SEL1L2: variants seen among roughly 807,000 people sequenced by gnomAD.
SEL1L2 encodes the protein protein sel-1 homolog 2.
Under a neutral mutation model 98.8 loss-of-function variants are expected in SEL1L2, and 89 were observed. That is an observed-to-expected ratio of 0.90 (90% confidence interval 0.76 to 1.07). The LOEUF (loss-of-function observed/expected upper bound fraction) is 1.07. Among genes scored for constraint, SEL1L2 ranks in the 50% least tolerant of loss-of-function variants. The probability of loss-of-function intolerance (pLI) is 0.00; values close to 1 mark genes in which losing one functional copy is unlikely to be tolerated. For synonymous variants in SEL1L2, 262 were observed against 278.5 expected, an observed-to-expected ratio of 0.94 and a Z score of 0.59; for missense variants, 788 against 812.0, an observed-to-expected ratio of 0.97 and a Z score of 0.36.
chr20:13,872,858 A>G lies in SEL1L2; in HGVS notation c.1105-2655T>C, dbSNP rs148088936. 3.2e-3 allele frequency among the ~76,000 whole-genome samples: 481 copies of G among 152,292 alleles called. 3 individuals carry two copies. The highest frequency in any genetic ancestry group is 0.011 in the African/African-American group (454 of 41,562). On this transcript the variant is annotated intron_variant, in intron 12 of 19. Coordinates refer to ENST00000284951, the MANE Select transcript of SEL1L2 (RefSeq NM_025229.2). The stretch of plus-strand genomic sequence containing the variant: ...ATAAAATATGCCAGGTAGTGGAGAC[A>G]GTGGTGCAGATGGAGACACGTGGAG...
At chr20:13,933,292 A>G (rs1437890612) in intron 2 of SEL1L2, among the ~76,000 whole-genome samples, 2 of 152,210 alleles carry the variant, frequency 1.3e-5, no homozygotes, top group African/African-American at 4.8e-5. Flanking sequence ...TAACCCATTT[A>G]AAGTGTACAA....
At chr20:13,855,677 G>C (rs1989040172) in intron 18 of SEL1L2, among the ~76,000 whole-genome samples, 1 of 152,140 alleles carries the variant, frequency 6.6e-6, no homozygotes, top group African/African-American at 2.4e-5. Flanking sequence ...CTGGTTTTGG[G>C]GTCCCCTAAA....
At position 13,865,302 on chromosome 20, in the gene SEL1L2, T is replaced by A. The variant is rs556980703; in HGVS notation, c.1570+47A>T. ...AATGCCTCTGTAGTAAAGTCATACATGCATATGTATGATTGGGGGATTGCA... is the reference window on the plus strand; with the variant it reads ...AATGCCTCTGTAGTAAAGTCATACAAGCATATGTATGATTGGGGGATTGCA... On this transcript the variant is annotated intron_variant, in intron 16 of 19. Coordinates refer to ENST00000284951, the MANE Select transcript of SEL1L2 (RefSeq NM_025229.2). 1.6e-5 allele frequency: 25 copies of A among 1,608,742 alleles called. No individual in the cohort carries two copies. The Admixed American group carries it at 4.0e-4, about 26-fold the overall frequency.
Position 13,849,353 on chromosome 20 carries a change from T to G in SEL1L2, c.*132A>C. 8.5e-7 allele frequency: 1 copy of G among 1,179,012 alleles called. No homozygotes were observed. The highest frequency in any genetic ancestry group is 1.2e-6 in the Non-Finnish European group (1 of 827,098). 73.0% of individuals were successfully genotyped at this position (1,179,012 alleles called of 1,614,324 possible). A position where few individuals can be genotyped will look rare whatever the true frequency, so the allele number is the denominator to read the frequency against. ...TTTCTCTAGGATGGTCCCCAAGTCT[T>G]GTCTGTTTCCCATCACAGCCCTGAG... On this transcript the variant is annotated 3_prime_UTR_variant, in exon 20 of 20. Coordinates refer to ENST00000284951, the MANE Select transcript of SEL1L2 (RefSeq NM_025229.2).
intron 5 of SEL1L2, among the ~76,000 whole-genome samples, chr20:13,910,976 T>C (rs918680433): frequency 6.6e-6 from 1 of 152,254 alleles, no homozygotes; most frequent in Admixed American, 6.5e-5. Context: ...TGGAACTTCT[T>C]TACTGGGAGT....
chr20:13,872,586 G>A (rs570306726), intron 12 of SEL1L2, among the ~76,000 whole-genome samples: 2 of 152,234 alleles, frequency 1.3e-5, no homozygotes, highest in South Asian at 4.2e-4. Context: ...TATTAGCAAT[G>A]TGAGAACGGA....
At chr20:13,985,879 G>T (rs751842492) in intron 1 of SEL1L2, among the ~76,000 whole-genome samples, 1 of 152,122 alleles carries the variant, frequency 6.6e-6, no homozygotes, top group Admixed American at 6.5e-5. Context: ...GCTTATTATG[G>T]ACATTTCATA....
chr20:13,964,520 TC>T (rs1162169096), intron 1 of SEL1L2, among the ~76,000 whole-genome samples: 1 of 143,178 alleles, frequency 7.0e-6, no homozygotes, highest in Admixed American at 7.4e-5. Context: ...TGGCGCAATC[TC>T]AGCTCACCGC....
intron 1 of SEL1L2, among the ~76,000 whole-genome samples, chr20:13,989,845 C>T (rs1331085809): frequency 6.6e-6 from 1 of 151,922 alleles, no homozygotes; most frequent in African/African-American, 2.4e-5. Context: ...GGAATTGAAC[C>T]TGGGCTGTGG....
At chr20:13,895,120 C>T (rs2047366283) in intron 5 of SEL1L2, among the ~76,000 whole-genome samples, 1 of 152,150 alleles carries the variant, frequency 6.6e-6, no homozygotes, top group Non-Finnish European at 1.5e-5. Context: ...GAGGAACTTA[C>T]TCCTGAAATA....
chr20:13,936,442 T>C (rs918533033), intron 2 of SEL1L2, among the ~76,000 whole-genome samples: 1 of 152,174 alleles, frequency 6.6e-6, no homozygotes, highest in African/African-American at 2.4e-5. Context: ...GATTTACAAC[T>C]TCCCCAATGA....
chr20:13,973,433 T>G (rs2051376227), intron 1 of SEL1L2: 1 of 152,208 alleles, frequency 6.6e-6, no homozygotes. Context: ...AATGTCCTCG[T>G]GTTAGGCTTG....
chr20:13,895,989 A>G lies in SEL1L2; in HGVS notation c.550-7477T>C, dbSNP rs1312521660. Among the ~76,000 whole-genome samples, 12 of 151,918 alleles carry G rather than the reference A, an allele frequency of 7.9e-5. No individual in the cohort carries two copies. In the East Asian group the frequency reaches 2.3e-3, roughly 30 times the overall value. On this transcript the variant is annotated intron_variant, in intron 5 of 19. Coordinates refer to ENST00000284951, the MANE Select transcript of SEL1L2 (RefSeq NM_025229.2). Reference sequence around the variant, plus strand: ...GGGGTTTGAGACCAGCCTGGCCAACATAGCAAAACTCCATCTCTACTGAAA... The same window carrying G: ...GGGGTTTGAGACCAGCCTGGCCAACGTAGCAAAACTCCATCTCTACTGAAA...
At chr20:13,919,292 G>A (rs537775062) in intron 3 of SEL1L2, among the ~76,000 whole-genome samples, 169 bp from the exon 4 acceptor site, 7 of 152,248 alleles carry the variant, frequency 4.6e-5, no homozygotes, top group South Asian at 2.1e-4. Context: ...GAGGAGCGTC[G>A]GTAGGTCAGA....
intron 1 of SEL1L2, among the ~76,000 whole-genome samples, chr20:13,975,724 C>A (rs1269584847): frequency 6.6e-6 from 1 of 152,186 alleles, no homozygotes; most frequent in African/African-American, 2.4e-5. Context: ...AAGTACAACA[C>A]AATCTCTGTA....
chr20:13,963,957 T>A (rs1008463679), intron 1 of SEL1L2, among the ~76,000 whole-genome samples: 5 of 151,730 alleles, frequency 3.3e-5, no homozygotes, highest in Admixed American at 2.0e-4. Flanking sequence ...CTACAACCTC[T>A]GCCTCCTGGG....
intron 10 of SEL1L2, among the ~76,000 whole-genome samples, chr20:13,881,282 G>A (rs1306135833): frequency 6.6e-6 from 1 of 152,164 alleles, no homozygotes; most frequent in Non-Finnish European, 1.5e-5. Context: ...AAAGTACTGG[G>A]ATTGCAGGCG....
In SEL1L2 at chr20:13,859,288, A is replaced by T; in HGVS notation, c.1792T>A (p.Tyr598Asn). The change falls in exon 18 of 20, where the codon TAT (tyrosine) becomes AAT (asparagine). Residue 598 changes from tyrosine to asparagine, a missense_variant. By Grantham distance (143) the Tyr-to-Asn change is moderately radical (BLOSUM62 -2). Transcript: ENST00000284951. ...AQAMFNLAYMYEHGLGITKDI... is the reference protein window; with the variant it reads ...AQAMFNLAYMNEHGLGITKDI... ...TTTGTGATGCCTAAGCCGTGTTCAT[A>T]CATATAAGCCAGATTGAACATGGCT... is the stretch of plus-strand genomic sequence containing the variant. The T allele has an allele frequency of 6.2e-7, 1 of 1,614,172 alleles. No homozygotes were observed. Among genetic ancestry groups the T allele is most frequent in the Non-Finnish European group, 8.5e-7 (1 of 1,180,010 alleles).
chr20:13,898,857 C>A (rs1405854832), intron 5 of SEL1L2, among the ~76,000 whole-genome samples: 2 of 152,308 alleles, frequency 1.3e-5, no homozygotes, highest in Middle Eastern at 6.8e-3. Flanking sequence ...ATTCTCCTGC[C>A]TCACCCTCCC....
Sources: allele counts gnomAD v4.1 joint callset (sites outside exome capture counted in the v4.1 genomes callset), GRCh38; gene constraint gnomAD v4.1.1; transcripts MANE v1.5; gene names NCBI Gene and HGNC (gene_info 2026-07-23, HGNC 2026-07-21).